LMCD1: variants seen among roughly 807,000 people sequenced by gnomAD.
LMCD1 encodes the protein LIM and cysteine rich domains 1, also known as LIM and cysteine-rich domains protein 1.
A neutral mutation model predicts 42.7 loss-of-function variants in LMCD1; 32 were observed. The observed-to-expected ratio is 0.75, with a 90% CI of 0.57 to 1.01. LMCD1 has a LOEUF of 1.01. Ranked by LOEUF, LMCD1 falls within the 50% of genes least tolerant of loss-of-function variation. The pLI is 0.00. For missense variants in LMCD1, 458 were observed against 483.1 expected (o/e 0.95, Z 0.49); for synonymous variants, 178 against 184.9 (o/e 0.96, Z 0.30).
intron 4 of LMCD1, among the ~76,000 whole-genome samples, chr3:8,556,403 AGTGT>A (rs1159356627): frequency 1.3e-5 from 2 of 150,142 alleles, no homozygotes; most frequent in Non-Finnish European, 3.0e-5. Context: ...TTTTTTCAGG[AGTGT>A]GTGTGTGTAT....
intron 1 of LMCD1, chr3:8,514,969 C>T (rs571911005): frequency 5.0e-5 from 23 of 456,668 alleles, no homozygotes; most frequent in South Asian, 3.3e-4. Flanking sequence ...CGAGCGAATA[C>T]TGGAGATTGG....
chr3:8,517,735 C>A (rs1694125248), intron 1 of LMCD1, among the ~76,000 whole-genome samples: 1 of 152,182 alleles, frequency 6.6e-6, no homozygotes, highest in South Asian at 2.1e-4. Context: ...AGGCTCAGAA[C>A]TTTTAAAAGG....
intron 1 of LMCD1, among the ~76,000 whole-genome samples, chr3:8,529,567 C>T (rs185864095): frequency 2.0e-5 from 3 of 152,212 alleles, no homozygotes; most frequent in African/African-American, 4.8e-5. Flanking sequence ...AGCAGAGCAC[C>T]GCGAGGGCAA....
chr3:8,530,986 T>C (rs1694401006), intron 1 of LMCD1, among the ~76,000 whole-genome samples: 2 of 152,188 alleles, frequency 1.3e-5, no homozygotes, highest in African/African-American at 2.4e-5. Context: ...TTGAACAAAA[T>C]GACAAAGTGT....
chr3:8,568,148 C>A lies in LMCD1; in HGVS notation c.*550C>A, dbSNP rs1427659850. Reference sequence around the variant, plus strand: ...TACACCCTTATCTAATTATTTACACCATGGCAGTGATTTTGCAACACCCAG... The same window carrying A: ...TACACCCTTATCTAATTATTTACACAATGGCAGTGATTTTGCAACACCCAG... On this transcript the variant is annotated 3_prime_UTR_variant, in exon 6 of 6. Transcript: ENST00000157600. 1 of 152,222 alleles carries A rather than the reference C, an allele frequency of 6.6e-6. No individual in the cohort carries two copies. The highest frequency in any genetic ancestry group is 1.9e-4 in the East Asian group (1 of 5,186). 9.4% of individuals were successfully genotyped at this position (152,222 alleles called of 1,614,324 possible).
intron 1 of LMCD1, among the ~76,000 whole-genome samples, chr3:8,502,419 T>C (rs1693777544): frequency 1.0e-5 from 1 of 100,278 alleles, no homozygotes. Flanking sequence ...ATATAATATA[T>C]ATATATGAAA....
rs1194276736 is a variant in LMCD1, at chr3:8,537,418, C to G, written c.365C>G (p.Pro122Arg). Residue 122 changes from proline (P) to arginine (R), a missense_variant, in exon 3 of 6, where the codon CCC (proline) becomes CGC (arginine). Pro to Arg is a moderately radical substitution (Grantham distance 103, BLOSUM62 -2). Coordinates refer to ENST00000157600, the MANE Select transcript of LMCD1 (RefSeq NM_014583.4). ...TFDTITYEWA[P>R]PGVTQKLGLQ... ...GACACCATCACCTACGAGTGGGCTC[C>G]CCCTGGAGTCACCCAGAAACTGGTA... The G allele has an allele frequency of 6.3e-7, 1 of 1,593,230 alleles. No individual in the cohort carries two copies. The highest frequency in any genetic ancestry group is 1.7e-5 in the Admixed American group (1 of 58,412).
chr3:8,515,431 C>A (rs6784560), intron 1 of LMCD1, among the ~76,000 whole-genome samples: 67,836 of 152,068 alleles, frequency 0.45, 15,878 homozygotes, highest in Non-Finnish European at 0.51. Context: ...GTGAAGTCCT[C>A]GTGTGGACTT....
intron 1 of LMCD1, among the ~76,000 whole-genome samples, chr3:8,518,339 C>A (rs952405839): frequency 5.3e-5 from 8 of 152,182 alleles, no homozygotes. Context: ...CATGGAGAAG[C>A]CTGCAGCAGA....
intron 3 of LMCD1, among the ~76,000 whole-genome samples, chr3:8,546,680 G>T (rs1694740384): frequency 6.6e-6 from 1 of 152,188 alleles, no homozygotes; most frequent in African/African-American, 2.4e-5. Context: ...ACTAGGGAGA[G>T]ACCAAAGCAT....
At chr3:8,557,429 G>A (rs905616392) in intron 4 of LMCD1, among the ~76,000 whole-genome samples, 1 of 152,138 alleles carries the variant, frequency 6.6e-6, no homozygotes, top group Non-Finnish European at 1.5e-5. Context: ...AGATTTCCAC[G>A]AGGCACTCTG....
chr3:8,531,180 A>G (rs1341278709), intron 1 of LMCD1, among the ~76,000 whole-genome samples: 1 of 152,164 alleles, frequency 6.6e-6, no homozygotes. Flanking sequence ...TCCCTCTTAA[A>G]TGCAAAGAGA....
rs150929761 is a variant in LMCD1, at chr3:8,533,560, G to A, written c.131+735G>A. 5.9e-5 allele frequency among the ~76,000 whole-genome samples: 9 copies of A among 152,268 alleles called. No homozygotes were observed. The East Asian group carries it at 1.7e-3, about 29-fold the overall frequency. On this transcript the variant is annotated intron_variant, in intron 2 of 5. Coordinates refer to ENST00000157600, the MANE Select transcript of LMCD1 (RefSeq NM_014583.4). Reference sequence around the variant, plus strand: ...GAGTTTTTATCACCACTGCTGTAGCGTTGCCTTGAGCGCTCAGTGGGGGGA... The same window carrying A: ...GAGTTTTTATCACCACTGCTGTAGCATTGCCTTGAGCGCTCAGTGGGGGGA...
chr3:8,523,577 A>G (rs62238098), intron 1 of LMCD1, among the ~76,000 whole-genome samples: 59,564 of 152,196 alleles, frequency 0.39, 12,765 homozygotes, highest in Non-Finnish European at 0.5. Context: ...TCTTGGCCAC[A>G]GCCTGAAGCC....
intron 4 of LMCD1, among the ~76,000 whole-genome samples, chr3:8,556,525 T>G: frequency 6.6e-6 from 1 of 152,156 alleles, no homozygotes; most frequent in East Asian, 1.9e-4. Flanking sequence ...GTCACCTAGA[T>G]GGTGAGTAGT....
chr3:8,535,546 G>C (rs996376646), intron 2 of LMCD1, among the ~76,000 whole-genome samples: 1 of 152,162 alleles, frequency 6.6e-6, no homozygotes, highest in Non-Finnish European at 1.5e-5. Context: ...TTGCACTAAA[G>C]AGAGGTGTTT....
chr3:8,505,765 T>C (rs17049215), intron 1 of LMCD1, among the ~76,000 whole-genome samples: 11,086 of 152,322 alleles, frequency 0.073, 599 homozygotes, highest in South Asian at 0.16. Context: ...CCTCTTGGCT[T>C]TCCTGTCCTT....
At chr3:8,529,810 G>C (rs995631658) in intron 1 of LMCD1, among the ~76,000 whole-genome samples, 1 of 152,164 alleles carries the variant, frequency 6.6e-6, no homozygotes, top group African/African-American at 2.4e-5. Context: ...ATCTAATTCA[G>C]GGTCTCTCAA....
At chr3:8,511,892 A>G (rs1051455224) in intron 1 of LMCD1, among the ~76,000 whole-genome samples, 3 of 152,204 alleles carry the variant, frequency 2.0e-5, no homozygotes, top group African/African-American at 7.2e-5. Context: ...AAGCCCTGCA[A>G]TGGAGTTCCA....
Sources: gnomAD v4.1 joint callset for allele counts (sites outside exome capture counted in the v4.1 genomes callset) on GRCh38, gnomAD v4.1.1 for gene constraint, MANE v1.5 for transcripts, NCBI Gene and HGNC (gene_info 2026-07-23, HGNC 2026-07-21) for gene names.